The following CRTC3 variants were observed in gnomAD, a reference collection of about 807,000 sequenced individuals.
CRTC3 encodes the protein CREB-regulated transcription coactivator 3.
In CRTC3, 26 loss-of-function variants were observed where a neutral mutation model predicts 74.5. The observed-to-expected ratio is 0.35, with a 90% CI of 0.26 to 0.48. CRTC3 has a LOEUF of 0.48. CRTC3 is among the 20% of genes least tolerant of loss of function. The pLI, the probability that CRTC3 is intolerant of heterozygous loss-of-function variation, is 0.99. For synonymous variants in CRTC3, 377 were observed against 325.8 expected (o/e 1.16, Z -1.69); for missense variants, 760 against 787.3 (o/e 0.97, Z 0.41).
intron 4 of CRTC3, among the ~76,000 whole-genome samples, chr15:90,602,781 C>T (rs947587182): frequency 6.6e-6 from 1 of 151,920 alleles, no homozygotes; most frequent in Non-Finnish European, 1.5e-5. Flanking sequence ...TGAGACCATC[C>T]TGGCCAACAT....
At chr15:90,573,987 C>T (rs923142587) in intron 2 of CRTC3, among the ~76,000 whole-genome samples, 1 of 152,116 alleles carries the variant, frequency 6.6e-6, no homozygotes, top group Non-Finnish European at 1.5e-5. Context: ...CATGTCTGTA[C>T]CTTGCTTGAA....
Position 90,591,536 on chromosome 15 carries a change from T to C in CRTC3, c.232-2100T>C, listed in dbSNP as rs186955914. On this transcript the variant is annotated intron_variant, in intron 2 of 14. Coordinates refer to ENST00000268184, the MANE Select transcript of CRTC3 (RefSeq NM_022769.5). ...GGCCTTCAGGAGCCCAGTTTGGCAG[T>C]AATTGTGCAGTGGCTCAGGCATGTA... 2.0e-3 allele frequency among the ~76,000 whole-genome samples: 306 copies of C among 152,320 alleles called. 2 individuals are homozygous for C. The highest frequency in any genetic ancestry group is 3.7e-3 in the Non-Finnish European group (251 of 68,026).
intron 6 of CRTC3, among the ~76,000 whole-genome samples, chr15:90,608,716 C>T (rs7165476): frequency 0.67 from 102,628 of 152,108 alleles, 35,149 homozygotes; most frequent in South Asian, 0.78. Flanking sequence ...GCACAGTGCC[C>T]GGCACAGAGG....
intron 2 of CRTC3, among the ~76,000 whole-genome samples, chr15:90,560,862 G>C (rs1037334513): frequency 1.3e-5 from 2 of 152,162 alleles, no homozygotes; most frequent in African/African-American, 2.4e-5. Flanking sequence ...CGCTTGGGGG[G>C]TTCAACAAAA....
At chr15:90,543,857 T>C (rs1966839329) in intron 2 of CRTC3, among the ~76,000 whole-genome samples, 1 of 152,188 alleles carries the variant, frequency 6.6e-6, no homozygotes, top group African/African-American at 2.4e-5. Context: ...TGTCTGTTTG[T>C]AAGTATTCTC....
intron 3 of CRTC3, 77 bp from the exon 4 acceptor site, chr15:90,602,247 A>C (rs1043453815): frequency 1.2e-6 from 1 of 866,360 alleles, no homozygotes; most frequent in African/African-American, 1.7e-5. Context: ...CAGTTGTTTA[A>C]CTCTCTGTGA....
chr15:90,534,288 A>G (rs1489147675), intron 1 of CRTC3, among the ~76,000 whole-genome samples: 2 of 152,170 alleles, frequency 1.3e-5, no homozygotes, highest in East Asian at 1.9e-4. Context: ...TTAAGTGGAC[A>G]CTGGCAGGAG....
In CRTC3 at chr15:90,634,976, T is replaced by C; in HGVS notation, c.1267-3470T>C. ...ATGGAGGCACCAAAGTAGTTCTAGA[T>C]GACAAGGATTATTTCCTATTTAGAG... On this transcript the variant is annotated intron_variant, in intron 11 of 14. Coordinates refer to ENST00000268184, the MANE Select transcript of CRTC3 (RefSeq NM_022769.5). The C allele has an allele frequency of 4.8e-6, 7 of 1,447,056 alleles. No homozygotes were observed. The South Asian group carries it at 6.8e-5, about 14-fold the overall frequency. The allele number at this position is 1,447,056 out of a possible 1,614,324, so 89.6% of individuals were successfully genotyped here. A position where few individuals can be genotyped will look rare whatever the true frequency, so the allele number is the denominator to read the frequency against.
chr15:90,632,336 CTG>C (rs1462773555), intron 11 of CRTC3, among the ~76,000 whole-genome samples: 1 of 151,946 alleles, frequency 6.6e-6, no homozygotes, highest in Non-Finnish European at 1.5e-5. Context: ...GTTGTTCTGA[CTG>C]TAATCCCAGC....
At chr15:90,541,749 G>T (rs1966804891) in intron 2 of CRTC3, among the ~76,000 whole-genome samples, 2 of 150,580 alleles carry the variant, frequency 1.3e-5, no homozygotes, top group Non-Finnish European at 3.0e-5. Flanking sequence ...TGGGGAATGG[G>T]ATAAAATGAT....
chr15:90,595,827 T>C (rs568408402), intron 3 of CRTC3: 2 of 152,360 alleles, frequency 1.3e-5, no homozygotes, highest in African/African-American at 4.8e-5. Context: ...AAGTATGTGC[T>C]AGTGGTCAGA....
At chr15:90,620,609 G>C (rs560026538) in intron 9 of CRTC3, among the ~76,000 whole-genome samples, 113 of 152,230 alleles carry the variant, frequency 7.4e-4, no homozygotes, top group African/African-American at 2.5e-3. Flanking sequence ...GAGGTTCACA[G>C]AGAGGACCCC....
At chr15:90,621,860 C>T (rs1567188550) in intron 9 of CRTC3, among the ~76,000 whole-genome samples, 7 of 152,202 alleles carry the variant, frequency 4.6e-5, no homozygotes. Flanking sequence ...TATTGACCCC[C>T]TAATTCTTGG....
At position 90,530,088 on chromosome 15, in the gene CRTC3, G is replaced by A; in HGVS notation, c.17G>A (p.Gly6Asp). 6.9e-7 allele frequency: 1 copy of A among 1,440,698 alleles called. No homozygotes were observed. 89.2% of individuals were successfully genotyped at this position (1,440,698 alleles called of 1,614,324 possible). A position where few individuals can be genotyped will look rare whatever the true frequency, so the allele number is the denominator to read the frequency against. MAASP[G>D]SGSANPRKFS... The stretch of plus-strand genomic sequence containing the variant: ...GTCCGCGCCATGGCCGCCTCGCCGG[G>A]CTCGGGCAGCGCCAACCCGCGGAAG... Residue 6 changes from glycine (G) to aspartate (D), a missense_variant, in exon 1 of 15, where the codon GGC becomes GAC. Physicochemically the swap from Gly to Asp is moderately conservative, Grantham distance 94. Around this residue, in one of 2 missense-constraint regions of CRTC3, gnomAD observed 108 missense variants for 152.1 expected, o/e 0.71. Coordinates refer to ENST00000268184, the MANE Select transcript of CRTC3 (RefSeq NM_022769.5). This position sits in a 1 kb window ranked among gnomAD's most constrained non-coding sequence, Gnocchi z 6.2.
rs775594161 is a variant in CRTC3 at position 90,643,090 on chromosome 15, C to T, written c.*950C>T. 4.3e-6 allele frequency: 1 copy of T among 232,468 alleles called. No individual in the cohort carries two copies. 14.4% of individuals were successfully genotyped at this position (232,468 alleles called of 1,614,324 possible). A position where few individuals can be genotyped will look rare whatever the true frequency, so the allele number is the denominator to read the frequency against. ...TGGGCTGGGAGTCTAATGTCACCCC[C>T]CTAGACCGTAAGCTCCTTGAGGGCA... On this transcript the variant is annotated 3_prime_UTR_variant, in exon 15 of 15. Transcript: ENST00000268184.
chr15:90,547,605 C>T (rs1966846525), intron 2 of CRTC3, among the ~76,000 whole-genome samples: 1 of 152,180 alleles, frequency 6.6e-6, no homozygotes. Context: ...TAGCAAGGGG[C>T]AGACCATCAG....
At chr15:90,605,691 T>C (rs991354841) in intron 5 of CRTC3, among the ~76,000 whole-genome samples, 6 of 152,202 alleles carry the variant, frequency 3.9e-5, no homozygotes, top group Admixed American at 1.3e-4. Context: ...GTTCTGCCCT[T>C]GTCTGCCTCT....
chr15:90,530,180 A>T lies in CRTC3; in HGVS notation c.109A>T (p.Met37Leu). 1 of 1,365,724 alleles carries T rather than the reference A, an allele frequency of 7.3e-7. No individual in the cohort carries two copies. The highest frequency in any genetic ancestry group is 9.6e-7 in the Non-Finnish European group (1 of 1,036,310). 84.6% of individuals were successfully genotyped at this position (1,365,724 alleles called of 1,614,324 possible). Residue 37 changes from methionine (M) to leucine (L), a missense_variant, in exon 1 of 15, where the codon ATG becomes TTG. Met to Leu is a conservative substitution (Grantham distance 15). This residue lies in a region of CRTC3 where 108 missense variants were observed against 152.1 expected (regional missense o/e 0.71). Coordinates refer to ENST00000268184, the MANE Select transcript of CRTC3 (RefSeq NM_022769.5). The surrounding 1 kb of genome is among the most constrained non-coding windows in gnomAD (Gnocchi z 6.2). ...AEETRAFEQL[M>L]TDLTLSRVQF... is the part of the protein sequence containing the mutation. The stretch of plus-strand genomic sequence containing the variant: ...GGAGACGCGGGCCTTCGAGCAGCTC[A>T]TGACCGACCTCACCCTGTCGCGGGT...
intron 3 of CRTC3, chr15:90,600,463 G>T (rs1968039498): frequency 1.3e-5 from 2 of 152,072 alleles, no homozygotes; most frequent in African/African-American, 4.8e-5. Context: ...TATTTTCTGG[G>T]GGCATTTGGC....
Sources: allele counts gnomAD v4.1 joint callset (sites outside exome capture counted in the v4.1 genomes callset), GRCh38; gene constraint gnomAD v4.1.1; regional missense constraint gnomAD v4.1.1; non-coding constraint Gnocchi (gnomAD v3.1); transcripts MANE v1.5; gene names NCBI Gene and HGNC (gene_info 2026-07-23, HGNC 2026-07-21).